The following PKD1L3 variants were observed in gnomAD, a reference collection of about 807,000 sequenced individuals.
The protein encoded by PKD1L3 is polycystin 1 like 3, transient receptor potential channel interacting.
In PKD1L3, 239 loss-of-function variants were observed where a neutral mutation model predicts 184.1. The observed-to-expected ratio is 1.30, with a 90% CI of 1.17 to 1.45. The LOEUF (loss-of-function observed/expected upper bound fraction) is 1.45. PKD1L3 is among the 40% of genes most tolerant of loss of function. The pLI, the probability that PKD1L3 is intolerant of heterozygous loss-of-function variation, is 0.00. For missense variants in PKD1L3, 2,660 were observed against 2,067.2 expected (o/e 1.29, Z -5.56); for synonymous variants, 996 against 778.8 (o/e 1.28, Z -4.64).
intron 22 of PKD1L3, among the ~76,000 whole-genome samples, chr16:71,945,266 C>CCA (rs2038526093): frequency 1.6e-5 from 1 of 63,944 alleles, no homozygotes; most frequent in Non-Finnish European, 3.0e-5. Context: ...AATTTCTTAA[C>CCA]TATATATATA....
At chr16:71,967,706 C>T (rs1360150200) in intron 14 of PKD1L3, among the ~76,000 whole-genome samples, 200 bp downstream of exon 14, 1 of 152,120 alleles carries the variant, frequency 6.6e-6, no homozygotes, top group Non-Finnish European at 1.5e-5. Context: ...CTTAGGTGAC[C>T]TCCCCACCTT....
At chr16:71,937,482 CTT>C (rs2038221094) in intron 24 of PKD1L3, 63 bp from the exon 25 acceptor site, 3 of 1,515,844 alleles carry the variant, frequency 2.0e-6, no homozygotes, top group South Asian at 2.6e-5. Flanking sequence ...TCTTGTTAAA[CTT>C]TGTCTTTGAA....
chr16:71,982,059 C>A lies in PKD1L3; in HGVS notation c.1143G>T (p.Pro381=). Residue 381 remains proline (P), a splice_region_variant and synonymous_variant, in exon 7 of 30, where the codon CCG becomes CCT. Transcript: ENST00000620267. ...SWLESKRHTE[P]VEDILEMSLV... ...GGCCACCTGCATATCTGGCACCTAC[C>A]GGCTCAGTATGACGCTTGGATTCCA... The A allele has an allele frequency of 1.9e-6, 3 of 1,541,058 alleles. No individual in the cohort carries two copies. The highest frequency in any genetic ancestry group is 1.2e-5 in the South Asian group (1 of 82,138).
chr16:71,971,938 C>G (rs912740436), intron 12 of PKD1L3, among the ~76,000 whole-genome samples: 1 of 152,010 alleles, frequency 6.6e-6, no homozygotes, highest in African/African-American at 2.4e-5. Context: ...GTAATTAGGC[C>G]GGGCACGGTG....
At chr16:71,929,842 G>C (rs888032457) in intron 29 of PKD1L3, 164 bp from the exon 30 acceptor site, 8 of 950,446 alleles carry the variant, frequency 8.4e-6, no homozygotes, top group Non-Finnish European at 1.1e-5. Flanking sequence ...ATGGTTGCGA[G>C]CCAACTATTT....
At chr16:71,998,127 A>T in intron 2 of PKD1L3, 145 bp downstream of exon 2, 1 of 1,126,002 alleles carries the variant, frequency 8.9e-7, no homozygotes. Flanking sequence ...TCTCATGCTA[A>T]TCAGCATCAT....
At chr16:71,981,578 G>A (rs1478921045) in intron 7 of PKD1L3, among the ~76,000 whole-genome samples, 1 of 137,400 alleles carries the variant, frequency 7.3e-6, no homozygotes, top group Non-Finnish European at 1.5e-5. Flanking sequence ...ATCTCGCTCT[G>A]TTGTCTGGGC....
chr16:71,967,281 C>G lies in PKD1L3; in HGVS notation c.2321G>C (p.Ser774Thr). ...VITLYGSEGR[S>T]EPHHLCDPQK... is the part of the protein sequence containing the mutation. ...GGGGTCACAGAGGTGATGGGGCTCA[C>G]TCCGTCCCTCTGATCCATAGAGGGT... Residue 774 changes from serine to threonine, a missense_variant, in exon 15 of 30, where the codon AGT becomes ACT. Ser to Thr is a moderately conservative substitution (Grantham distance 58, BLOSUM62 1). Coordinates refer to ENST00000620267, the MANE Select transcript of PKD1L3 (RefSeq NM_181536.2). The G allele has an allele frequency of 6.4e-7, 1 of 1,551,642 alleles. No homozygotes were observed. Among genetic ancestry groups the G allele is most frequent in the Non-Finnish European group, 8.7e-7 (1 of 1,146,942 alleles).
intron 11 of PKD1L3, among the ~76,000 whole-genome samples, chr16:71,974,556 C>A (rs905314220): frequency 1.3e-5 from 2 of 152,092 alleles, no homozygotes; most frequent in African/African-American, 4.8e-5. Flanking sequence ...GTGGCATATG[C>A]GCCTGCAGTC....
At position 71,967,900 on chromosome 16, in the gene PKD1L3, A is replaced by T. The variant is rs2143590422; in HGVS notation, c.2286+6T>A. The T allele has an allele frequency of 6.5e-7, 1 of 1,545,626 alleles. No individual in the cohort carries two copies. The highest frequency in any genetic ancestry group is 2.4e-5 in the East Asian group (1 of 40,886). On this transcript the variant is annotated splice_donor_region_variant and intron_variant, in intron 14 of 29. Transcript: ENST00000620267. ...AGGCAATGTGAAAAACATTTATTTCATTAACCTTAGCTGTTGTAGCAGCGC... is the reference window on the plus strand; with the variant it reads ...AGGCAATGTGAAAAACATTTATTTCTTTAACCTTAGCTGTTGTAGCAGCGC...
intron 7 of PKD1L3, among the ~76,000 whole-genome samples, chr16:71,981,409 G>T (rs1482998556): frequency 6.6e-6 from 1 of 152,136 alleles, no homozygotes; most frequent in African/African-American, 2.4e-5. Flanking sequence ...TTTTGGGTGT[G>T]AAGTGGTATC....
intron 18 of PKD1L3, among the ~76,000 whole-genome samples, chr16:71,952,551 C>T (rs973512115): frequency 1.4e-5 from 2 of 146,942 alleles, no homozygotes; most frequent in South Asian, 2.4e-4. Flanking sequence ...AAATTTGATA[C>T]TGGCTGGGCA....
Position 71,949,847 on chromosome 16 carries a change from G to A in PKD1L3, c.3554C>T (p.Thr1185Ile). Residue 1185 changes from threonine to isoleucine, a missense_variant, in exon 21 of 30, where the codon ACC (threonine) becomes ATC (isoleucine). Transcript: ENST00000620267. Reference protein sequence around the residue: ...YSLELSKDQATSWMISIILSV... With the variant: ...YSLELSKDQAISWMISIILSV... ...TAAAATAATTGAAATCATCCAGCTG[G>A]TGGCTTGGTCTTTGCTCAATTCCAA... 1 of 1,551,540 alleles carries A rather than the reference G, an allele frequency of 6.4e-7. No homozygotes were observed. Among genetic ancestry groups the A allele is most frequent in the Non-Finnish European group, 8.7e-7 (1 of 1,146,980 alleles).
chr16:71,945,415 T>C (rs2038564144), intron 22 of PKD1L3, among the ~76,000 whole-genome samples: 1 of 145,860 alleles, frequency 6.9e-6, no homozygotes, highest in South Asian at 2.1e-4. Flanking sequence ...TATTTATTTA[T>C]TTATTTATTT....
At chr16:71,990,386 G>T in intron 3 of PKD1L3, 57 bp from the exon 4 acceptor site, 1 of 1,404,140 alleles carries the variant, frequency 7.1e-7, no homozygotes, top group Non-Finnish European at 9.7e-7. Flanking sequence ...AGAAATATTC[G>T]TTTTACTTGA....
chr16:71,949,267 C>A (rs2038736165), intron 21 of PKD1L3, among the ~76,000 whole-genome samples: 1 of 151,072 alleles, frequency 6.6e-6, no homozygotes, highest in Non-Finnish European at 1.5e-5. Context: ...ACTCCTCAAT[C>A]CTTTTCTGCC....
At chr16:71,950,437 C>T (rs1335121162) in intron 19 of PKD1L3, 127 bp from the exon 20 acceptor site, 35 of 793,032 alleles carry the variant, frequency 4.4e-5, no homozygotes, top group Admixed American at 9.0e-5. Context: ...GAGATTGGAC[C>T]GTACCCCACA....
In PKD1L3 at chr16:71,980,024, A is replaced by G. The variant is rs1567540444; in HGVS notation, c.1254T>C (p.Ala418=). 6.4e-7 allele frequency: 1 copy of G among 1,552,132 alleles called. No homozygotes were observed. The highest frequency in any genetic ancestry group is 2.4e-5 in the East Asian group (1 of 40,928). The change falls in exon 8 of 30, where the codon GCT becomes GCC. Residue 418 remains alanine, a synonymous_variant. Coordinates refer to ENST00000620267, the MANE Select transcript of PKD1L3 (RefSeq NM_181536.2). ...CCATTAACCTGCTCAGCAGCAGAGTAGCATTGGCAGAGGTCAAAGTCACTG... is the reference window on the plus strand; with the variant it reads ...CCATTAACCTGCTCAGCAGCAGAGTGGCATTGGCAGAGGTCAAAGTCACTG... The part of the protein sequence containing the change: ...ESSVTLTSAN[A]TLLLSRQNIS...
chr16:71,951,513 G>A (rs2038833116), intron 19 of PKD1L3, 51 bp downstream of exon 19: 1 of 1,487,898 alleles, frequency 6.7e-7, no homozygotes. Flanking sequence ...ACATATGCAA[G>A]GGAGTGGGAG....
Sources: gnomAD v4.1 joint callset for allele counts (sites outside exome capture counted in the v4.1 genomes callset) on GRCh38, gnomAD v4.1.1 for gene constraint, MANE v1.5 for transcripts, NCBI Gene and HGNC (gene_info 2026-07-23, HGNC 2026-07-21) for gene names.